The following GAS7 variants were observed in gnomAD, a reference collection of about 807,000 sequenced individuals.
GAS7 encodes growth arrest-specific protein 7.
In GAS7, 28 loss-of-function variants were observed where a neutral mutation model predicts 71.1. The observed-to-expected ratio is 0.39, with a 90% CI of 0.29 to 0.54. The LOEUF (loss-of-function observed/expected upper bound fraction) is 0.54, where lower values mean the gene tolerates loss of function less well. GAS7 is among the 20% of genes least tolerant of loss of function. The probability of loss-of-function intolerance (pLI) is 0.62; values close to 1 mark genes in which losing one functional copy is unlikely to be tolerated. For missense variants in GAS7, 436 were observed against 627.8 expected (o/e 0.69, Z 3.27); for synonymous variants, 258 against 245.8 (o/e 1.05, Z -0.46).
chr17:10,133,380 C>T (rs1418409545), intron 1 of GAS7, among the ~76,000 whole-genome samples: 5 of 152,076 alleles, frequency 3.3e-5, no homozygotes, highest in Admixed American at 2.6e-4. Flanking sequence ...GCCTCGGCCT[C>T]CCAAAGTGCT....
chr17:10,176,600 G>T (rs774759691), intron 1 of GAS7, among the ~76,000 whole-genome samples: 63 of 152,302 alleles, frequency 4.1e-4, no homozygotes, highest in Non-Finnish European at 6.9e-4. Flanking sequence ...ATAACTCTGT[G>T]GAAGGGGTGT....
intron 1 of GAS7, among the ~76,000 whole-genome samples, chr17:10,054,661 C>T (rs545118091): frequency 3.3e-5 from 5 of 152,272 alleles, no homozygotes; most frequent in South Asian, 2.1e-4. Flanking sequence ...CTGGTTCTAA[C>T]GAATTGAATA....
chr17:9,943,102 G>A lies in GAS7; in HGVS notation c.731+19C>T, dbSNP rs754971090. Reference sequence around the variant, plus strand: ...ACACTGGTGCCAGGCCCCAGGGCTGGGAGGGGCCCAGGCTTCACCTTTCCC... The same window carrying A: ...ACACTGGTGCCAGGCCCCAGGGCTGAGAGGGGCCCAGGCTTCACCTTTCCC... On this transcript the variant is annotated intron_variant, in intron 7 of 13. Coordinates refer to ENST00000432992, the MANE Select transcript of GAS7 (RefSeq NM_201433.2). 4 of 1,520,348 alleles carry A rather than the reference G, an allele frequency of 2.6e-6. No homozygotes were observed. In the South Asian group the frequency reaches 4.5e-5, roughly 17 times the overall value. 94.2% of individuals were successfully genotyped at this position (1,520,348 alleles called of 1,614,324 possible).
intron 1 of GAS7, among the ~76,000 whole-genome samples, chr17:10,089,926 G>T (rs1004518041): frequency 2.0e-5 from 3 of 152,164 alleles, no homozygotes; most frequent in Admixed American, 6.5e-5. Context: ...CCAGCACTTT[G>T]GGAGGCCAAG....
intron 1 of GAS7, among the ~76,000 whole-genome samples, chr17:10,146,248 G>T (rs1024048277): frequency 2.0e-5 from 3 of 152,246 alleles, no homozygotes; most frequent in Admixed American, 2.0e-4. Flanking sequence ...ATAAGAAATG[G>T]AATGTTTTCA....
At chr17:10,099,466 A>G (rs1322441227) in intron 1 of GAS7, among the ~76,000 whole-genome samples, 1 of 152,242 alleles carries the variant, frequency 6.6e-6, no homozygotes, top group Non-Finnish European at 1.5e-5. Flanking sequence ...CGAGAGCAGC[A>G]TCTTTCCACC....
chr17:10,134,567 G>T (rs778884799), intron 1 of GAS7, among the ~76,000 whole-genome samples: 4 of 152,164 alleles, frequency 2.6e-5, no homozygotes, highest in Non-Finnish European at 5.9e-5. Context: ...GATCCCTTTT[G>T]CTCTACAAGG....
At chr17:10,079,294 T>C (rs115355785) in intron 1 of GAS7, among the ~76,000 whole-genome samples, 160 of 152,268 alleles carry the variant, frequency 1.1e-3, no homozygotes, top group African/African-American at 3.6e-3. Flanking sequence ...GAAAATAAAA[T>C]TCTAAGTCCT....
chr17:9,925,847 C>T (rs1049903043), intron 10 of GAS7, among the ~76,000 whole-genome samples: 8 of 152,264 alleles, frequency 5.3e-5, no homozygotes, highest in South Asian at 2.1e-4. Context: ...TCTCAAACCA[C>T]GTTTTTTTCC....
intron 1 of GAS7, among the ~76,000 whole-genome samples, chr17:10,074,445 C>T (rs190722011): frequency 6.6e-6 from 1 of 152,290 alleles, no homozygotes; most frequent in Non-Finnish European, 1.5e-5. Context: ...GGTTTCACTT[C>T]GATCTCCTCC....
intron 1 of GAS7, among the ~76,000 whole-genome samples, chr17:10,153,186 G>A (rs184467602): frequency 2.8e-5 from 2 of 70,430 alleles, no homozygotes; most frequent in East Asian, 5.0e-4. Context: ...CTCCAGCCCA[G>A]GTGACACGGC....
chr17:9,975,171 A>G (rs1567844046), intron 3 of GAS7, among the ~76,000 whole-genome samples: 1 of 152,152 alleles, frequency 6.6e-6, no homozygotes, highest in Non-Finnish European at 1.5e-5. Flanking sequence ...CCTGCCTAAC[A>G]TGGTGAAACC....
chr17:10,150,135 T>C (rs750870945), intron 1 of GAS7, among the ~76,000 whole-genome samples: 1 of 151,870 alleles, frequency 6.6e-6, no homozygotes, highest in Non-Finnish European at 1.5e-5. Flanking sequence ...AAGAAAAAAA[T>C]ATTAACTATT....
intron 5 of GAS7, among the ~76,000 whole-genome samples, chr17:9,956,066 C>G (rs912850010): frequency 6.6e-6 from 1 of 152,202 alleles, no homozygotes; most frequent in Non-Finnish European, 1.5e-5. Flanking sequence ...ACTGAACACA[C>G]GTGTGACCAA....
chr17:9,946,808 T>G, intron 6 of GAS7, 86 bp downstream of exon 6: 7 of 767,314 alleles, frequency 9.1e-6, no homozygotes, highest in Non-Finnish European at 1.5e-5. Context: ...CCCTCCACTT[T>G]GAGATCCAGG....
At chr17:9,986,033 C>T (rs1466393213) in intron 2 of GAS7, among the ~76,000 whole-genome samples, 3 of 152,226 alleles carry the variant, frequency 2.0e-5, no homozygotes, top group African/African-American at 7.2e-5. Flanking sequence ...ATCCCTCAGA[C>T]AGCTCAGATC....
intron 1 of GAS7, among the ~76,000 whole-genome samples, chr17:10,158,618 GA>G (rs2074224984): frequency 2.6e-5 from 4 of 152,104 alleles, no homozygotes. Flanking sequence ...ACGATTGATG[GA>G]AGGATAGAAG....
In GAS7 at chr17:9,943,724, T is replaced by C. The variant is rs79316159; in HGVS notation, c.616-488A>G. On this transcript the variant is annotated intron_variant, in intron 6 of 13. Transcript: ENST00000432992. The stretch of plus-strand genomic sequence containing the variant: ...GTGACACCCTCTAACCACACATTCA[T>C]ACAAGATCACAGGAGAGAAAAGTAA... Among the ~76,000 whole-genome samples the C allele has an allele frequency of 6.4e-3, 974 of 152,276 alleles. 3 individuals carry two copies. Among genetic ancestry groups the C allele is most frequent in the Non-Finnish European group, 8.8e-3 (601 of 68,026 alleles).
chr17:10,034,217 G>C lies in GAS7; in HGVS notation c.184-14320C>G. ...GAGCAACCTCTTCCATCTCTGCTGG[G>C]AGGCCTCAATTGCTTCATCTCTAAA... On this transcript the variant is annotated intron_variant, in intron 1 of 13. Coordinates refer to ENST00000432992, the MANE Select transcript of GAS7 (RefSeq NM_201433.2). This position sits in a 1 kb window ranked among gnomAD's most constrained non-coding sequence, Gnocchi z 4.4. 1.0e-6 allele frequency: 1 copy of C among 985,216 alleles called. No homozygotes were observed. The highest frequency in any genetic ancestry group is 1.2e-6 in the Non-Finnish European group (1 of 829,750). 61.0% of individuals were successfully genotyped at this position (985,216 alleles called of 1,614,324 possible). A position where few individuals can be genotyped will look rare whatever the true frequency, so the allele number is the denominator to read the frequency against.
Sources: allele counts gnomAD v4.1 joint callset (sites outside exome capture counted in the v4.1 genomes callset), GRCh38; gene constraint gnomAD v4.1.1; non-coding constraint Gnocchi (gnomAD v3.1); transcripts MANE v1.5; gene names NCBI Gene and HGNC (gene_info 2026-07-23, HGNC 2026-07-21).